Variants in CDKAL1 observed in about 807,000 individuals in gnomAD.
CDKAL1 encodes the protein CDKAL1 threonylcarbamoyladenosine tRNA methylthiotransferase, also known as threonylcarbamoyladenosine tRNA methylthiotransferase.
In CDKAL1, 32 loss-of-function variants were observed where a neutral mutation model predicts 68.2. The observed-to-expected ratio is 0.47, with a 90% CI of 0.35 to 0.63. The LOEUF (loss-of-function observed/expected upper bound fraction) is 0.63. Ranked by LOEUF, CDKAL1 falls within the 30% of genes least tolerant of loss-of-function variation. The pLI is 0.00. For missense variants in CDKAL1, 606 were observed against 696.7 expected, an observed-to-expected ratio of 0.87 and a Z score of 1.47; for synonymous variants, 234 against 244.3, an observed-to-expected ratio of 0.96 and a Z score of 0.39.
At chr6:20,821,494 C>T (rs562722391) in intron 8 of CDKAL1, among the ~76,000 whole-genome samples, 4 of 152,270 alleles carry the variant, frequency 2.6e-5, no homozygotes, top group Non-Finnish European at 5.9e-5. Flanking sequence ...TTCTTTCCTC[C>T]ATAGCACTTA....
intron 5 of CDKAL1, among the ~76,000 whole-genome samples, chr6:20,686,032 A>T (rs545732565): frequency 1.8e-4 from 27 of 150,244 alleles, no homozygotes; most frequent in Non-Finnish European, 3.7e-4. Flanking sequence ...GTTGACTTTT[A>T]TATATTAATT....
At chr6:20,636,181 T>C (rs757070799) in intron 4 of CDKAL1, among the ~76,000 whole-genome samples, 1 of 152,118 alleles carries the variant, frequency 6.6e-6, no homozygotes, top group African/African-American at 2.4e-5. Flanking sequence ...AGAGAGACCT[T>C]CCTGCTTCTG....
At position 20,961,766 on chromosome 6, in the gene CDKAL1, C is replaced by CA. The variant is rs1226258631; in HGVS notation, c.909+6193dup. Among the ~76,000 whole-genome samples, 624 of 107,470 alleles carry CA rather than the reference C, an allele frequency of 5.8e-3. 2 individuals are homozygous for CA. Among genetic ancestry groups the CA allele is most frequent in the Middle Eastern group, 0.015 (3 of 204 alleles). 70.5% of individuals were successfully genotyped at this position (107,470 alleles called of 152,430 possible). A position where few individuals can be genotyped will look rare whatever the true frequency, so the allele number is the denominator to read the frequency against. On this transcript the variant is annotated intron_variant, in intron 10 of 15. Transcript: ENST00000274695. ...TGGGCAAAAGAGCAAGACTCCGTCT[C>CA]AAAAAAAAAAAAGAAAAGAAAAACA...
intron 11 of CDKAL1, among the ~76,000 whole-genome samples, chr6:21,016,170 A>C (rs1398028458): frequency 6.6e-6 from 1 of 151,804 alleles, no homozygotes; most frequent in Non-Finnish European, 1.5e-5. Flanking sequence ...ATATATATAG[A>C]CCTCATTTAA....
At chr6:21,123,879 G>T (rs1774853196) in intron 13 of CDKAL1, among the ~76,000 whole-genome samples, 1 of 152,242 alleles carries the variant, frequency 6.6e-6, no homozygotes, top group African/African-American at 2.4e-5. Flanking sequence ...TAGAACAACA[G>T]ATTTAAATTG....
chr6:20,839,419 A>G (rs138570245), intron 8 of CDKAL1, among the ~76,000 whole-genome samples: 11 of 152,326 alleles, frequency 7.2e-5, no homozygotes, highest in East Asian at 3.9e-4. Flanking sequence ...ACAAATCGGT[A>G]GCCTATTTGA....
In CDKAL1 at chr6:21,208,463, T is replaced by C. The variant is rs574512572; in HGVS notation, c.1548+7189T>C. 7.9e-5 allele frequency among the ~76,000 whole-genome samples: 12 copies of C among 152,272 alleles called. No individual in the cohort carries two copies. In the South Asian group the frequency reaches 2.1e-3, roughly 26 times the overall value. On this transcript the variant is annotated intron_variant, in intron 15 of 15. Transcript: ENST00000274695. ...AAACTACATTCATGAGGTTAAGAAA[T>C]GGCTTAATAATTAAGTTAAAACACT...
chr6:20,770,257 C>A (rs1297919764), intron 7 of CDKAL1, among the ~76,000 whole-genome samples: 1 of 151,676 alleles, frequency 6.6e-6, no homozygotes, highest in Non-Finnish European at 1.5e-5. Context: ...GAACGTATTC[C>A]CTAACTATAA....
At chr6:20,994,731 T>A (rs1351690573) in intron 10 of CDKAL1, among the ~76,000 whole-genome samples, 1 of 152,214 alleles carries the variant, frequency 6.6e-6, no homozygotes, top group East Asian at 1.9e-4. Context: ...GTCTAGTAAG[T>A]ATACAATAGC....
intron 4 of CDKAL1, among the ~76,000 whole-genome samples, chr6:20,552,489 T>C (rs564125086): frequency 3.9e-5 from 6 of 152,312 alleles, no homozygotes; most frequent in African/African-American, 1.4e-4. Context: ...TAACAGTACT[T>C]GTCTGTATAA....
At position 21,034,450 on chromosome 6, in the gene CDKAL1, A is replaced by C. The variant is rs185821939; in HGVS notation, c.1056-30598A>C. On this transcript the variant is annotated intron_variant, in intron 11 of 15. Coordinates refer to ENST00000274695, the MANE Select transcript of CDKAL1 (RefSeq NM_017774.3). ...GATTTTTAATAAAAAAATTTATGAA[A>C]TAAAAATTAATGTTTGGAATTACAC... 4.8e-3 allele frequency among the ~76,000 whole-genome samples: 730 copies of C among 152,332 alleles called. 27 individuals are homozygous for C. Among genetic ancestry groups the C allele is most frequent in the Admixed American group, 0.043 (660 of 15,284 alleles).
intron 4 of CDKAL1, among the ~76,000 whole-genome samples, chr6:20,612,557 G>T (rs1417741526): frequency 6.6e-6 from 1 of 151,972 alleles, no homozygotes; most frequent in Non-Finnish European, 1.5e-5. Flanking sequence ...GTTTCGTTTT[G>T]AGAAATGTCT....
chr6:20,635,653 T>C (rs1165980305), intron 4 of CDKAL1, among the ~76,000 whole-genome samples: 3 of 152,184 alleles, frequency 2.0e-5, no homozygotes, highest in Non-Finnish European at 2.9e-5. Context: ...TTAGGGATAC[T>C]CAACCTGTAC....
chr6:20,840,673 G>A (rs980094201), intron 8 of CDKAL1, among the ~76,000 whole-genome samples: 1 of 152,148 alleles, frequency 6.6e-6, no homozygotes, highest in Non-Finnish European at 1.5e-5. Context: ...TTTTTCCATT[G>A]CTTGTTGAGA....
intron 4 of CDKAL1, among the ~76,000 whole-genome samples, chr6:20,627,356 T>C (rs574100677): frequency 1.2e-4 from 19 of 152,288 alleles, no homozygotes; most frequent in Middle Eastern, 3.4e-3. Flanking sequence ...TCCACAAATA[T>C]ACCATACTCT....
chr6:20,983,747 A>T (rs998602229), intron 10 of CDKAL1, among the ~76,000 whole-genome samples: 1 of 152,148 alleles, frequency 6.6e-6, no homozygotes, highest in Non-Finnish European at 1.5e-5. Context: ...GCTACATAAT[A>T]TATATCAGAG....
intron 9 of CDKAL1, among the ~76,000 whole-genome samples, chr6:20,918,648 G>A (rs1000838978): frequency 2.0e-5 from 3 of 152,148 alleles, no homozygotes; most frequent in Non-Finnish European, 4.4e-5. Context: ...CATTTTTAAG[G>A]CATATAAATA....
chr6:20,627,587 A>G (rs1331443226), intron 4 of CDKAL1, among the ~76,000 whole-genome samples: 2 of 152,134 alleles, frequency 1.3e-5, no homozygotes, highest in Non-Finnish European at 2.9e-5. Flanking sequence ...CTTTCCATAT[A>G]AATTTTAGAA....
chr6:20,726,352 C>G (rs541746164), intron 5 of CDKAL1, among the ~76,000 whole-genome samples: 17 of 152,258 alleles, frequency 1.1e-4, no homozygotes, highest in African/African-American at 3.9e-4. Context: ...CAGTATATAC[C>G]TCACATGTAC....
Sources: gnomAD v4.1 joint callset for allele counts (sites outside exome capture counted in the v4.1 genomes callset) on GRCh38, gnomAD v4.1.1 for gene constraint, MANE v1.5 for transcripts, NCBI Gene and HGNC (gene_info 2026-07-23, HGNC 2026-07-21) for gene names.